The following BNC2 variants were observed in gnomAD, a reference collection of about 807,000 sequenced individuals.
BNC2 encodes zinc finger protein basonuclin-2.
A neutral mutation model predicts 76.3 loss-of-function variants in BNC2; 20 were observed. The observed-to-expected ratio is 0.26, with a 90% CI of 0.18 to 0.38. The LOEUF is 0.38. Among genes scored for constraint, BNC2 ranks in the 10% least tolerant of loss-of-function variants. The pLI is 1.00. For missense variants in BNC2, 1,382 were observed against 1,399.8 expected (o/e 0.99, Z 0.20); for synonymous variants, 582 against 514.8 (o/e 1.13, Z -1.77).
chr9:16,427,175 GGA>G (rs1820818382), intron 6 of BNC2, among the ~76,000 whole-genome samples: 1 of 152,210 alleles, frequency 6.6e-6, no homozygotes, highest in Non-Finnish European at 1.5e-5. Flanking sequence ...CCTTTTCCAA[GGA>G]GAGAAGAAAT....
chr9:16,507,250 CTTTTTT>C (rs36072200), intron 5 of BNC2, among the ~76,000 whole-genome samples: 4 of 83,168 alleles, frequency 4.8e-5, no homozygotes, highest in Admixed American at 1.7e-4. Flanking sequence ...TGTCCATTTG[CTTTTTT>C]TTTTTTTTTT....
intron 5 of BNC2, among the ~76,000 whole-genome samples, chr9:16,539,984 G>C (rs183887300): frequency 3.3e-5 from 5 of 152,004 alleles, no homozygotes; most frequent in African/African-American, 9.6e-5. Context: ...TCTTAAATTA[G>C]CAGTAATGAG....
intron 3 of BNC2, among the ~76,000 whole-genome samples, chr9:16,720,098 G>A (rs998726023): frequency 1.3e-5 from 2 of 152,172 alleles, no homozygotes; most frequent in African/African-American, 2.4e-5. Flanking sequence ...CTGGTTACAC[G>A]TTTTTATCAT....
chr9:16,582,224 AC>A (rs146066832), intron 4 of BNC2, among the ~76,000 whole-genome samples: 7,988 of 152,102 alleles, frequency 0.053, 696 homozygotes, highest in African/African-American at 0.18. Flanking sequence ...GGAAAAAAAA[AC>A]GTCTGCTTAT....
intron 3 of BNC2, among the ~76,000 whole-genome samples, chr9:16,604,396 T>C (rs1374581970): frequency 1.3e-5 from 2 of 152,214 alleles, no homozygotes; most frequent in Admixed American, 1.3e-4. Flanking sequence ...GCAAAACTCA[T>C]AAAACTTTAA....
At chr9:16,421,468 C>T (rs573429885) in intron 6 of BNC2, among the ~76,000 whole-genome samples, 1 of 152,310 alleles carries the variant, frequency 6.6e-6, no homozygotes, top group South Asian at 2.1e-4. Context: ...CATAAGCGAT[C>T]ATCCCATACG....
At chr9:16,684,704 G>A (rs114847530) in intron 3 of BNC2, among the ~76,000 whole-genome samples, 2,295 of 152,186 alleles carry the variant, frequency 0.015, 43 homozygotes, top group African/African-American at 0.047. Context: ...ATGCTAGGGA[G>A]TGCTACCCAT....
intron 1 of BNC2, among the ~76,000 whole-genome samples, chr9:16,826,841 C>T (rs748310087): frequency 1.3e-5 from 2 of 151,774 alleles, no homozygotes; most frequent in African/African-American, 2.4e-5. Flanking sequence ...GATGGATGAT[C>T]GATGGATGGA....
intron 3 of BNC2, among the ~76,000 whole-genome samples, chr9:16,669,275 G>A (rs1317720673): frequency 1.3e-5 from 2 of 152,174 alleles, no homozygotes; most frequent in African/African-American, 2.4e-5. Context: ...CACTAAGGGA[G>A]TAATTTTCCT....
At chr9:16,849,287 T>G (rs1819066974) in intron 1 of BNC2, among the ~76,000 whole-genome samples, 1 of 151,756 alleles carries the variant, frequency 6.6e-6, no homozygotes, top group Admixed American at 6.6e-5. Context: ...GACTGAATTT[T>G]CAAAATTGCT....
At chr9:16,645,408 T>G (rs1821595958) in intron 3 of BNC2, among the ~76,000 whole-genome samples, 1 of 152,234 alleles carries the variant, frequency 6.6e-6, no homozygotes, top group Non-Finnish European at 1.5e-5. Flanking sequence ...GAGGCTCCAG[T>G]TCACGTCACA....
chr9:16,583,231 T>C (rs1587199524), intron 3 of BNC2, 146 bp from the exon 4 acceptor site: 3 of 682,146 alleles, frequency 4.4e-6, no homozygotes, highest in East Asian at 5.5e-5. Flanking sequence ...AATTTAGATA[T>C]CACCAAAATC....
At chr9:16,655,993 G>A (rs1821917897) in intron 3 of BNC2, among the ~76,000 whole-genome samples, 1 of 152,166 alleles carries the variant, frequency 6.6e-6, no homozygotes. Flanking sequence ...GCACATACAA[G>A]GCAGTGTTCT....
chr9:16,479,184 G>A (rs748570252), intron 5 of BNC2, among the ~76,000 whole-genome samples: 3 of 151,654 alleles, frequency 2.0e-5, no homozygotes, highest in Non-Finnish European at 4.4e-5. Flanking sequence ...TCTGGGAGGC[G>A]GAGGCTGCAG....
At chr9:16,595,037 G>C (rs1395405942) in intron 3 of BNC2, among the ~76,000 whole-genome samples, 1 of 152,074 alleles carries the variant, frequency 6.6e-6, no homozygotes, top group East Asian at 1.9e-4. Flanking sequence ...AGGATTTTCT[G>C]CCAAAAAGTG....
chr9:16,524,012 C>CA (rs1244721273), intron 5 of BNC2, among the ~76,000 whole-genome samples: 6 of 151,930 alleles, frequency 3.9e-5, no homozygotes, highest in African/African-American at 7.3e-5. Flanking sequence ...TAGCTTCACC[C>CA]AAAAAAACAA....
intron 3 of BNC2, among the ~76,000 whole-genome samples, chr9:16,711,365 C>T (rs914941125): frequency 1.1e-4 from 17 of 152,078 alleles, no homozygotes; most frequent in African/African-American, 4.1e-4. Context: ...TTCCATTCCT[C>T]GCTAGTTGCA....
intron 3 of BNC2, among the ~76,000 whole-genome samples, chr9:16,711,657 T>C (rs1387070792): frequency 1.3e-5 from 2 of 152,236 alleles, no homozygotes; most frequent in Non-Finnish European, 2.9e-5. Flanking sequence ...TTGTTTCCAT[T>C]GATTGTTGAA....
chr9:16,414,277 G>A lies in BNC2; in HGVS notation c.*4712C>T, dbSNP rs1563771021. 2 of 152,246 alleles carry A rather than the reference G, an allele frequency of 1.3e-5. No homozygotes were observed. Among genetic ancestry groups the A allele is most frequent in the Non-Finnish European group, 2.9e-5 (2 of 68,118 alleles). 9.4% of individuals were successfully genotyped at this position (152,246 alleles called of 1,614,324 possible). A position where few individuals can be genotyped will look rare whatever the true frequency, so the allele number is the denominator to read the frequency against. On this transcript the variant is annotated 3_prime_UTR_variant, in exon 7 of 7. Transcript: ENST00000380672. ...TTTCTCTCGAGCCAACATTTCCAGT[G>A]CATTCATGATTTCCTTTTCTAGCTA...
Sources: allele counts gnomAD v4.1 joint callset (sites outside exome capture counted in the v4.1 genomes callset), GRCh38; gene constraint gnomAD v4.1.1; transcripts MANE v1.5; gene names NCBI Gene and HGNC (gene_info 2026-07-23, HGNC 2026-07-21).